The following FHOD3 variants were observed in gnomAD, a reference collection of about 807,000 sequenced individuals.
FHOD3 encodes the protein formin homology 2 domain containing 3, also known as FH1/FH2 domain-containing protein 3.
In FHOD3, 90 loss-of-function variants were observed where a neutral mutation model predicts 173.0. The observed-to-expected ratio is 0.52, with a 90% confidence interval of 0.44 to 0.62. The LOEUF is 0.62. FHOD3 is among the 20% of genes least tolerant of loss of function. FHOD3 has a pLI of 0.00. For missense variants in FHOD3, 1,945 were observed against 2,034.7 expected (o/e 0.96, Z 0.85); for synonymous variants, 828 against 823.0 (o/e 1.01, Z -0.10).
intron 14 of FHOD3, 24 bp from the exon 15 acceptor site, chr18:36,681,412 A>C (rs370680795): frequency 1.9e-6 from 3 of 1,612,766 alleles, no homozygotes; most frequent in African/African-American, 2.7e-5. Flanking sequence ...AAGCAACTGA[A>C]ACATTAACTC....
At chr18:36,671,621 G>A (rs530795794) in intron 14 of FHOD3, among the ~76,000 whole-genome samples, 1 of 152,366 alleles carries the variant, frequency 6.6e-6, no homozygotes, top group South Asian at 2.1e-4. Context: ...TTTCTGTAAA[G>A]AGAGACAAAA....
At chr18:36,706,695 G>C (rs2039898832) in intron 17 of FHOD3, among the ~76,000 whole-genome samples, 1 of 152,188 alleles carries the variant, frequency 6.6e-6, no homozygotes, top group Admixed American at 6.5e-5. Context: ...TCCCTGGGGT[G>C]GTGAGTAGAC....
At chr18:36,595,807 T>C (rs538809883) in intron 7 of FHOD3, among the ~76,000 whole-genome samples, 115 of 152,364 alleles carry the variant, frequency 7.5e-4, no homozygotes, top group African/African-American at 2.6e-3. Context: ...CTTTTGTCTT[T>C]TGTTGTTTGT....
At chr18:36,371,965 T>G (rs946678589) in intron 2 of FHOD3, among the ~76,000 whole-genome samples, 4 of 150,974 alleles carry the variant, frequency 2.6e-5, no homozygotes, top group Non-Finnish European at 5.9e-5. Context: ...GGACTCATGT[T>G]TTCTCCCCTT....
rs183078162 is a variant in FHOD3 at position 36,357,054 on chromosome 18, G to A, written c.272+1409G>A. On this transcript the variant is annotated intron_variant, in intron 2 of 28. Transcript: ENST00000590592. ...TCAGCTATCTTAATCTGTTGTCCAG[G>A]AGCCCCCAAAAGTTGTTTGAAACCA... Among the ~76,000 whole-genome samples, 393 of 152,182 alleles carry A rather than the reference G, an allele frequency of 2.6e-3. 1 individual carries two copies. The highest frequency in any genetic ancestry group is 8.7e-3 in the African/African-American group (363 of 41,530).
At chr18:36,389,010 C>T (rs2048166672) in intron 3 of FHOD3, among the ~76,000 whole-genome samples, 1 of 152,018 alleles carries the variant, frequency 6.6e-6, no homozygotes, top group African/African-American at 2.4e-5. Flanking sequence ...GCGCTTCTTG[C>T]CAAATGCAGA....
At chr18:36,337,529 A>G (rs1473482220) in intron 1 of FHOD3, among the ~76,000 whole-genome samples, 1 of 152,186 alleles carries the variant, frequency 6.6e-6, no homozygotes, top group Non-Finnish European at 1.5e-5. Flanking sequence ...TGTCCCCTGC[A>G]TGTGGCTCTT....
At chr18:36,601,222 C>T (rs1432319191) in intron 7 of FHOD3, among the ~76,000 whole-genome samples, 1 of 152,174 alleles carries the variant, frequency 6.6e-6, no homozygotes, top group Non-Finnish European at 1.5e-5. Flanking sequence ...TAGAAGATTG[C>T]CCAGTTCTGA....
rs1599179360 is a variant in FHOD3 at position 36,453,237 on chromosome 18, G to A, written c.338-48695G>A. Among the ~76,000 whole-genome samples, 4 of 152,292 alleles carry A rather than the reference G, an allele frequency of 2.6e-5. No individual in the cohort carries two copies. The East Asian group carries it at 5.8e-4, about 22-fold the overall frequency. On this transcript the variant is annotated intron_variant, in intron 3 of 28. Transcript: ENST00000590592. ...TGCCATGGAGGCATTAGGGTAAAGGGATTGGCTTAATGCATCTCTGGGTAT... is the reference window on the plus strand; with the variant it reads ...TGCCATGGAGGCATTAGGGTAAAGGAATTGGCTTAATGCATCTCTGGGTAT...
Position 36,612,095 on chromosome 18 carries a change from G to A in FHOD3, c.957G>A (p.Glu319=), listed in dbSNP as rs1409214321. The A allele has an allele frequency of 6.2e-7, 1 of 1,612,580 alleles. No individual in the cohort carries two copies. The highest frequency in any genetic ancestry group is 1.7e-5 in the Admixed American group (1 of 59,600). The stretch of plus-strand genomic sequence containing the variant: ...TAGTGGAGCAACTCAACATTTATGA[G>A]GTACCAGACCATGCCTTTTGTAAGG... ...LDLVEQLNIY[E]VALRHEDGDE... Residue 319 remains glutamate (E), a splice_region_variant and synonymous_variant, in exon 9 of 29, where the codon GAG becomes GAA. Coordinates refer to ENST00000590592, the MANE Select transcript of FHOD3 (RefSeq NM_001281740.3).
chr18:36,378,585 C>G (rs527950009), intron 3 of FHOD3, among the ~76,000 whole-genome samples: 12 of 129,576 alleles, frequency 9.3e-5, no homozygotes, highest in Admixed American at 4.0e-4. Flanking sequence ...CCCCCCTGGA[C>G]CCCTCTGCCA....
At chr18:36,374,150 C>G (rs1206582639) in intron 3 of FHOD3, among the ~76,000 whole-genome samples, 4 of 152,194 alleles carry the variant, frequency 2.6e-5, no homozygotes, top group Admixed American at 6.5e-5. Context: ...GAAACTCACT[C>G]CTTTGCAGTA....
intron 3 of FHOD3, among the ~76,000 whole-genome samples, chr18:36,407,948 C>T (rs2049150575): frequency 6.6e-6 from 1 of 152,220 alleles, no homozygotes; most frequent in Non-Finnish European, 1.5e-5. Context: ...AATCCTTTCT[C>T]ATATGATATA....
At chr18:36,559,371 C>T (rs1599654643) in intron 5 of FHOD3, among the ~76,000 whole-genome samples, 1 of 152,134 alleles carries the variant, frequency 6.6e-6, no homozygotes, top group African/African-American at 2.4e-5. Context: ...GCAGCGGGAC[C>T]GGTGACATCA....
At chr18:36,761,716 C>G (rs2042889071) in intron 27 of FHOD3, among the ~76,000 whole-genome samples, 1 of 152,046 alleles carries the variant, frequency 6.6e-6, no homozygotes, top group African/African-American at 2.4e-5. Flanking sequence ...CTCCAGAGAC[C>G]CCAGTTAGAT....
chr18:36,779,617 G>A lies in FHOD3; in HGVS notation c.*87G>A. 1 of 1,134,692 alleles carries A rather than the reference G, an allele frequency of 8.8e-7. No homozygotes were observed. The highest frequency in any genetic ancestry group is 2.4e-5 in the East Asian group (1 of 41,206). The allele number at this position is 1,134,692 out of a possible 1,614,324, so 70.3% of individuals were successfully genotyped here. A position where few individuals can be genotyped will look rare whatever the true frequency, so the allele number is the denominator to read the frequency against. On this transcript the variant is annotated 3_prime_UTR_variant, in exon 29 of 29. Transcript: ENST00000590592. ...CCTCCAGGTGGGGTTGGGGAGACTTGATATTCACATCCAACAGTTTGAAAA... is the reference window on the plus strand; with the variant it reads ...CCTCCAGGTGGGGTTGGGGAGACTTAATATTCACATCCAACAGTTTGAAAA...
At chr18:36,440,440 G>A (rs949152856) in intron 3 of FHOD3, among the ~76,000 whole-genome samples, 4 of 152,220 alleles carry the variant, frequency 2.6e-5, no homozygotes, top group African/African-American at 9.6e-5. Context: ...ACGTCGGGGA[G>A]GGAAAGGGCG....
chr18:36,726,753 C>T (rs909373482), intron 19 of FHOD3, among the ~76,000 whole-genome samples: 5 of 152,150 alleles, frequency 3.3e-5, no homozygotes, highest in Admixed American at 1.3e-4. Context: ...CTGCTCACTG[C>T]AACCTCTGCC....
chr18:36,724,699 T>A (rs1233578677), intron 19 of FHOD3, among the ~76,000 whole-genome samples: 1 of 152,116 alleles, frequency 6.6e-6, no homozygotes, highest in African/African-American at 2.4e-5. Flanking sequence ...ACACCCCTGC[T>A]CCCTCTCCCT....
Sources: allele counts gnomAD v4.1 joint callset (sites outside exome capture counted in the v4.1 genomes callset), GRCh38; gene constraint gnomAD v4.1.1; transcripts MANE v1.5; gene names NCBI Gene and HGNC (gene_info 2026-07-23, HGNC 2026-07-21).